PARD3: variants seen among roughly 807,000 people sequenced by gnomAD.
PARD3 encodes the protein par-3 family cell polarity regulator, also known as partitioning defective 3 homolog.
PARD3 carries 75 observed loss-of-function variants against 155.4 expected under a neutral mutation model. The observed-to-expected ratio is 0.48, with a 90% CI of 0.40 to 0.58. The LOEUF (loss-of-function observed/expected upper bound fraction) is 0.58. PARD3 is among the 20% of genes least tolerant of loss of function. The pLI is 0.00. For missense variants in PARD3, 1,642 were observed against 1,721.7 expected (o/e 0.95, Z 0.82); for synonymous variants, 576 against 610.5 (o/e 0.94, Z 0.83).
chr10:34,291,161 C>G lies in PARD3; in HGVS notation c.3066-6916G>C, dbSNP rs140228758. ...TGCTTAAAGTCCTAATAGGTAATTG[C>G]TATAGATTTTATTCAAAGGAAAAAA... On this transcript the variant is annotated intron_variant, in intron 20 of 24. Transcript: ENST00000374788. 3.9e-5 allele frequency among the ~76,000 whole-genome samples: 6 copies of G among 152,260 alleles called. No homozygotes were observed. In the East Asian group the frequency reaches 1.2e-3, roughly 29 times the overall value.
At chr10:34,693,893 T>C (rs951129082) in intron 2 of PARD3, among the ~76,000 whole-genome samples, 3 of 152,072 alleles carry the variant, frequency 2.0e-5, no homozygotes, top group Non-Finnish European at 2.9e-5. Context: ...GAAATATATA[T>C]ATGCTAACCT....
chr10:34,723,422 A>G (rs1213880099), intron 1 of PARD3, among the ~76,000 whole-genome samples: 5 of 152,226 alleles, frequency 3.3e-5, no homozygotes, highest in Admixed American at 6.5e-5. Flanking sequence ...GACACACAGA[A>G]GCAAAGTCAC....
At chr10:34,735,608 G>A (rs907000146) in intron 1 of PARD3, among the ~76,000 whole-genome samples, 5 of 152,036 alleles carry the variant, frequency 3.3e-5, no homozygotes, top group Admixed American at 1.3e-4. Context: ...ATCAAAATGG[G>A]CTAACCTACC....
chr10:34,535,815 T>TA (rs34906640), intron 2 of PARD3, among the ~76,000 whole-genome samples: 76,739 of 147,556 alleles, frequency 0.52, 21,452 homozygotes, highest in African/African-American at 0.78. Context: ...CAATTATCTT[T>TA]AAAAAAAAAA....
At chr10:34,151,392 T>A (rs56169413) in intron 22 of PARD3, among the ~76,000 whole-genome samples, 5,701 of 152,246 alleles carry the variant, frequency 0.037, 372 homozygotes, top group African/African-American at 0.13. Context: ...AAAATCAAGA[T>A]GTTTGGCACT....
intron 2 of PARD3, among the ~76,000 whole-genome samples, chr10:34,520,422 T>C (rs1020834679): frequency 6.6e-6 from 1 of 151,832 alleles, no homozygotes. Context: ...AGAAAAGAAG[T>C]CCTTAATAGT....
intron 2 of PARD3, among the ~76,000 whole-genome samples, chr10:34,592,941 A>G (rs2088858497): frequency 6.6e-6 from 1 of 152,194 alleles, no homozygotes; most frequent in Non-Finnish European, 1.5e-5. Flanking sequence ...ATATTCATTC[A>G]ATACATTACT....
intron 7 of PARD3, among the ~76,000 whole-genome samples, chr10:34,393,489 A>G (rs1429480468): frequency 6.6e-6 from 1 of 151,928 alleles, no homozygotes; most frequent in Non-Finnish European, 1.5e-5. Context: ...GCTGAGGTGG[A>G]AAAATCACCT....
chr10:34,330,740 T>C (rs564702277), intron 19 of PARD3, among the ~76,000 whole-genome samples: 1 of 152,282 alleles, frequency 6.6e-6, no homozygotes, highest in East Asian at 1.9e-4. Flanking sequence ...AGCAACTTCG[T>C]GTTAACAGAA....
chr10:34,146,437 G>C (rs890703363), intron 22 of PARD3, among the ~76,000 whole-genome samples: 6 of 152,084 alleles, frequency 3.9e-5, no homozygotes, highest in African/African-American at 1.2e-4. Context: ...GGTTAATTTA[G>C]GGAGTACATT....
At chr10:34,460,800 T>C (rs2077601053) in intron 4 of PARD3, among the ~76,000 whole-genome samples, 1 of 151,812 alleles carries the variant, frequency 6.6e-6, no homozygotes, top group Non-Finnish European at 1.5e-5. Flanking sequence ...ACCACTGCAC[T>C]CCGGCCTGGG....
intron 2 of PARD3, among the ~76,000 whole-genome samples, chr10:34,686,502 G>A (rs377075150): frequency 1.3e-4 from 19 of 151,962 alleles, no homozygotes; most frequent in South Asian, 6.2e-4. Context: ...TTGGGAGGCC[G>A]AGGCGGGTGG....
Position 34,336,236 on chromosome 10 carries a change from G to A in PARD3, c.2568C>T (p.Asp856=), listed in dbSNP as rs374061315. 3.0e-5 allele frequency: 48 copies of A among 1,611,168 alleles called. No homozygotes were observed. The highest frequency in any genetic ancestry group is 2.3e-4 in the Admixed American group (14 of 59,918). The change falls in exon 18 of 25, where the codon GAC becomes GAT. Residue 856 remains aspartate, a synonymous_variant. Transcript: ENST00000374788. The stretch of plus-strand genomic sequence containing the variant: ...CATCCACTGTATTGAGTTTAGTCTC[G>A]TCAGCTACTGTTAAAAGGTAAATGT... ...KSKSMDLGIA[D]ETKLNTVDDQ...
In PARD3 at chr10:34,432,041, C is replaced by CAAAAAAAAAAAAAAAAA. The variant is rs142848273; in HGVS notation, c.714+18259_714+18275dup. On this transcript the variant is annotated intron_variant, in intron 5 of 24. Coordinates refer to ENST00000374788, the MANE Select transcript of PARD3 (RefSeq NM_001184785.2). ...TGGGCTACAGAGTGAGACTCTGTCTCAAAAAAAAAAAAAAAAAAAAAAAAA... is the reference window on the plus strand; with the variant it reads ...TGGGCTACAGAGTGAGACTCTGTCTCAAAAAAAAAAAAAAAAAAAAAAAAAAAAAAAAAAAAAAAAAA... Among the ~76,000 whole-genome samples the CAAAAAAAAAAAAAAAAA allele has an allele frequency of 6.5e-4, 14 of 21,592 alleles. 1 individual carries two copies. Among genetic ancestry groups the CAAAAAAAAAAAAAAAAA allele is most frequent in the African/African-American group, 8.5e-4 (7 of 8,234 alleles). The allele number at this position is 21,592 out of a possible 152,430, so 14.2% of individuals were successfully genotyped here. A position where few individuals can be genotyped will look rare whatever the true frequency, so the allele number is the denominator to read the frequency against.
intron 2 of PARD3, among the ~76,000 whole-genome samples, chr10:34,686,883 T>C (rs959046785): frequency 2.0e-5 from 3 of 151,806 alleles, no homozygotes; most frequent in African/African-American, 4.8e-5. Context: ...ACCCTGTCTC[T>C]ACTAAAAATA....
intron 1 of PARD3, among the ~76,000 whole-genome samples, chr10:34,735,219 T>C (rs1225962875): frequency 3.3e-5 from 5 of 152,180 alleles, no homozygotes; most frequent in African/African-American, 1.2e-4. Flanking sequence ...TTGTCAATAA[T>C]AAGACATAAG....
At chr10:34,352,996 C>T (rs1050259312) in intron 14 of PARD3, among the ~76,000 whole-genome samples, 1 of 129,136 alleles carries the variant, frequency 7.7e-6, no homozygotes, top group African/African-American at 2.5e-5. Context: ...GCCGGACCGC[C>T]ACCCCGTCTG....
chr10:34,358,585 T>C (rs981852065), intron 14 of PARD3, among the ~76,000 whole-genome samples: 2 of 152,120 alleles, frequency 1.3e-5, no homozygotes, highest in Admixed American at 1.3e-4. Flanking sequence ...CCCAGGACTT[T>C]GGCAGACTGA....
intron 20 of PARD3, among the ~76,000 whole-genome samples, chr10:34,291,608 T>A (rs1330779833): frequency 1.3e-5 from 2 of 152,166 alleles, no homozygotes; most frequent in Non-Finnish European, 2.9e-5. Context: ...ATTTGTTAGG[T>A]CATATAGTGA....
Sources: allele counts gnomAD v4.1 joint callset (sites outside exome capture counted in the v4.1 genomes callset), GRCh38; gene constraint gnomAD v4.1.1; transcripts MANE v1.5; gene names NCBI Gene and HGNC (gene_info 2026-07-23, HGNC 2026-07-21).